Variants in CHRNB4 observed in about 807,000 individuals in gnomAD.
CHRNB4 encodes the protein cholinergic receptor nicotinic beta 4 subunit, also known as neuronal acetylcholine receptor subunit beta-4.
CHRNB4 carries 23 observed loss-of-function variants against 40.4 expected under a neutral mutation model. The ratio of observed to expected loss-of-function variants is 0.57; its 90% CI spans 0.41 to 0.81. The LOEUF is 0.81. Among genes scored for constraint, CHRNB4 ranks in the 30% least tolerant of loss-of-function variants. The pLI, the probability that CHRNB4 is intolerant of heterozygous loss-of-function variation, is 0.00. For missense variants in CHRNB4, 568 were observed against 670.6 expected, an observed-to-expected ratio of 0.85 and a Z score of 1.69; for synonymous variants, 285 against 274.4, an observed-to-expected ratio of 1.04 and a Z score of -0.38.
At chr15:78,637,202 C>T (rs2053970627) in intron 1 of CHRNB4, among the ~76,000 whole-genome samples, 1 of 152,168 alleles carries the variant, frequency 6.6e-6, no homozygotes, top group African/African-American at 2.4e-5. Flanking sequence ...CTCAAATCTG[C>T]CCCTCTGCAT....
upstream of CHRNB4, among the ~76,000 whole-genome samples, chr15:78,641,693 AGT>A (rs1295015867): frequency 6.6e-6 from 1 of 152,134 alleles, no homozygotes; most frequent in Non-Finnish European, 1.5e-5. Flanking sequence ...AGGAAAAGTG[AGT>A]GGAATCTGGG....
At chr15:78,661,013 C>A (rs1016448790), upstream of CHRNB4, 2 of 522,634 alleles carry the variant, frequency 3.8e-6, no homozygotes, top group Admixed American at 2.3e-5. Context: ...CTTCCAAAAT[C>A]TTTTTAATAA....
At chr15:78,643,285 T>A (rs80004594), upstream of CHRNB4, among the ~76,000 whole-genome samples, 1 of 151,732 alleles carries the variant, frequency 6.6e-6, no homozygotes, top group African/African-American at 2.4e-5. Context: ...AGGGTTTCAC[T>A]GTTGCCCAGG....
chr15:78,654,661 C>A (rs1439082987), intron 5 of CHRNB4, among the ~76,000 whole-genome samples: 2 of 152,192 alleles, frequency 1.3e-5, no homozygotes, highest in Admixed American at 1.3e-4. Flanking sequence ...CAGATCATCC[C>A]TATACTGTCT....
At chr15:78,643,565 A>T (rs1200863540), upstream of CHRNB4, among the ~76,000 whole-genome samples, 3 of 152,210 alleles carry the variant, frequency 2.0e-5, no homozygotes, top group Non-Finnish European at 2.9e-5. Context: ...TTAGGTTAAT[A>T]CATATGAAAT....
At chr15:78,634,841 C>T (rs1383144974) in intron 2 of CHRNB4, 1 of 450,886 alleles carries the variant, frequency 2.2e-6, no homozygotes, top group African/African-American at 2.0e-5. Flanking sequence ...GGCACCTCCT[C>T]CCTCAGCACC....
intron 5 of CHRNB4, 69 bp from the exon 6 acceptor site, chr15:78,625,360 CCT>C: frequency 4.2e-6 from 6 of 1,429,724 alleles, no homozygotes; most frequent in Non-Finnish European, 5.7e-6. Context: ...CGAGTCAGGC[CCT>C]TACTCTCTGG....
chr15:78,639,094 AG>A (rs1456815544), intron 1 of CHRNB4, among the ~76,000 whole-genome samples: 3 of 152,374 alleles, frequency 2.0e-5, no homozygotes, highest in Admixed American at 2.0e-4. Flanking sequence ...CAGTTTGGAA[AG>A]GTATATCCAA....
chr15:78,647,861 CAAAAAA>C (rs146991423), intron 7 of CHRNB4, among the ~76,000 whole-genome samples: 1 of 39,124 alleles, frequency 2.6e-5, no homozygotes. Flanking sequence ...GACTCCATCT[CAAAAAA>C]AAAAAAAAAA....
Position 78,629,668 on chromosome 15 carries a change from T to G in CHRNB4, c.637A>C (p.Asn213His), listed in dbSNP as rs753580146. ...TCCACGTAGCTGGGGTCTTGTGGGTTCACTGTCCTTCTCCCTGGGAGGGCC... is the reference window on the plus strand; with the variant it reads ...TCCACGTAGCTGGGGTCTTGTGGGTGCACTGTCCTTCTCCCTGGGAGGGCC... Reference protein sequence around the residue: ...IVALPGRRTVNPQDPSYVDVT... With the variant: ...IVALPGRRTVHPQDPSYVDVT... Residue 213 changes from asparagine (N) to histidine (H), a missense_variant, in exon 5 of 6, where the codon AAC (asparagine) becomes CAC (histidine). Transcript: ENST00000261751. This position sits in a 1 kb window ranked among gnomAD's most constrained non-coding sequence, Gnocchi z 6.8. 1.9e-6 allele frequency: 3 copies of G among 1,614,146 alleles called. No homozygotes were observed. In the Admixed American group the frequency reaches 5.0e-5, roughly 27 times the overall value.
chr15:78,638,135 C>T (rs1446708828), intron 1 of CHRNB4, among the ~76,000 whole-genome samples: 2 of 152,214 alleles, frequency 1.3e-5, no homozygotes, highest in African/African-American at 4.8e-5. Flanking sequence ...GGCTGGATCC[C>T]ACATCTCTGA....
chr15:78,637,186 C>T (rs2141390535), intron 1 of CHRNB4, among the ~76,000 whole-genome samples: 2 of 152,310 alleles, frequency 1.3e-5, no homozygotes, highest in East Asian at 3.9e-4. Flanking sequence ...CCTGACCTTC[C>T]ATAGCCTCAA....
upstream of CHRNB4, among the ~76,000 whole-genome samples, chr15:78,644,398 G>T (rs1214963286): frequency 6.7e-6 from 1 of 149,520 alleles, no homozygotes; most frequent in Admixed American, 6.7e-5. Flanking sequence ...GGGCTTGTGT[G>T]GGGGGTTTAT....
chr15:78,631,999 C>T (rs1174696894), intron 2 of CHRNB4, among the ~76,000 whole-genome samples: 1 of 152,156 alleles, frequency 6.6e-6, no homozygotes, highest in Non-Finnish European at 1.5e-5. Context: ...TGCTCCTGCA[C>T]ACACTGTTCC....
At chr15:78,656,488 T>G (rs2054214689) in exon 4 of CHRNB4, 1 of 152,054 alleles carries the variant, frequency 6.6e-6, no homozygotes, top group African/African-American at 2.4e-5. Flanking sequence ...ATTTCACACA[T>G]GCCCCATAAA....
chr15:78,627,373 T>C (rs1471316228), intron 5 of CHRNB4: 3 of 152,156 alleles, frequency 2.0e-5, no homozygotes, highest in East Asian at 3.9e-4. Flanking sequence ...TCGCAGGCGA[T>C]GCCGGTGCTG....
intron 6 of CHRNB4, among the ~76,000 whole-genome samples, chr15:78,651,268 A>G (rs1247763237): frequency 6.6e-6 from 1 of 152,148 alleles, no homozygotes; most frequent in African/African-American, 2.4e-5. Flanking sequence ...ACAAAAAGCA[A>G]GCGGCCAAAA....
chr15:78,661,626 G>A (rs148066897), upstream of CHRNB4: 1,518 of 469,492 alleles, frequency 3.2e-3, 29 homozygotes, highest in African/African-American at 0.025. Flanking sequence ...CCTCCTGCTC[G>A]GCCAGTTCCG....
At chr15:78,653,148 T>G (rs2054187019) in intron 5 of CHRNB4, among the ~76,000 whole-genome samples, 1 of 152,184 alleles carries the variant, frequency 6.6e-6, no homozygotes, top group Admixed American at 6.5e-5. Context: ...GGGAATTCAG[T>G]AGGTGCTTAA....
Sources: gnomAD v4.1 joint callset for allele counts (sites outside exome capture counted in the v4.1 genomes callset) on GRCh38, gnomAD v4.1.1 for gene constraint, Gnocchi (gnomAD v3.1) non-coding constraint, MANE v1.5 for transcripts, NCBI Gene and HGNC (gene_info 2026-07-23, HGNC 2026-07-21) for gene names.